Variants in CDH13 observed in about 807,000 individuals in gnomAD.
The protein encoded by CDH13 is cadherin-13.
Under a neutral mutation model 63.8 loss-of-function variants are expected in CDH13, and 24 were observed. That is an observed-to-expected ratio of 0.38 (90% CI 0.27 to 0.53). The LOEUF (loss-of-function observed/expected upper bound fraction) is 0.53, where lower values mean the gene tolerates loss of function less well. CDH13 is among the 20% of genes least tolerant of loss of function. The probability of loss-of-function intolerance (pLI) is 0.85; values close to 1 mark genes in which losing one functional copy is unlikely to be tolerated. For synonymous variants in CDH13, 503 were observed against 355.3 expected (o/e 1.42, Z -4.67); for missense variants, 1,049 against 903.1 (o/e 1.16, Z -2.07).
chr16:83,484,084 A>G (rs1246322816), intron 6 of CDH13, among the ~76,000 whole-genome samples: 1 of 152,216 alleles, frequency 6.6e-6, no homozygotes, highest in Non-Finnish European at 1.5e-5. Flanking sequence ...AAAATAGCTG[A>G]GACTGCCTAA....
chr16:83,041,031 C>G (rs1313633555), intron 3 of CDH13, among the ~76,000 whole-genome samples: 1 of 152,174 alleles, frequency 6.6e-6, no homozygotes, highest in East Asian at 1.9e-4. Context: ...ACTGACTAAA[C>G]TTCCTAGAGA....
At chr16:83,503,404 C>G (rs543377888) in intron 7 of CDH13, among the ~76,000 whole-genome samples, 8 of 152,300 alleles carry the variant, frequency 5.3e-5, no homozygotes, top group African/African-American at 7.2e-5. Flanking sequence ...CACGCCACAT[C>G]TACCTGGGTG....
intron 1 of CDH13, among the ~76,000 whole-genome samples, chr16:82,764,779 C>G (rs942827268): frequency 6.6e-6 from 1 of 151,288 alleles, no homozygotes; most frequent in East Asian, 1.9e-4. Flanking sequence ...GAACCACACT[C>G]ACAGAGTCCC....
At chr16:83,682,422 C>T (rs1915483400) in intron 10 of CDH13, among the ~76,000 whole-genome samples, 1 of 152,096 alleles carries the variant, frequency 6.6e-6, no homozygotes, top group Admixed American at 6.5e-5. Context: ...AATCTCCACC[C>T]AGGGCTGTGT....
At chr16:83,445,478 C>A (rs760031735) in intron 6 of CDH13, among the ~76,000 whole-genome samples, 1 of 152,088 alleles carries the variant, frequency 6.6e-6, no homozygotes, top group Non-Finnish European at 1.5e-5. Flanking sequence ...TAAGGAGGAG[C>A]TTTATCACCT....
In CDH13 at chr16:83,605,085, G is replaced by A. The variant is rs544525359; in HGVS notation, c.1101+2491G>A. 2.6e-5 allele frequency among the ~76,000 whole-genome samples: 4 copies of A among 152,210 alleles called. No individual in the cohort carries two copies. In the East Asian group the frequency reaches 7.7e-4, roughly 29 times the overall value. On this transcript the variant is annotated intron_variant, in intron 8 of 13. Transcript: ENST00000567109. ...TCTTAAAAAATAAATTTTGAAAAAAGAGACACTGAGTAGCATAAGGAAAAT... is the reference window on the plus strand; with the variant it reads ...TCTTAAAAAATAAATTTTGAAAAAAAAGACACTGAGTAGCATAAGGAAAAT...
At chr16:83,056,996 C>G (rs1377470587) in intron 3 of CDH13, among the ~76,000 whole-genome samples, 1 of 152,102 alleles carries the variant, frequency 6.6e-6, no homozygotes, top group African/African-American at 2.4e-5. Context: ...GAGATGGAGT[C>G]TCACTCTGTC....
At chr16:83,272,474 T>A (rs2088854918) in intron 5 of CDH13, among the ~76,000 whole-genome samples, 1 of 152,238 alleles carries the variant, frequency 6.6e-6, no homozygotes. Context: ...ACGGGTATTT[T>A]CCCATGTTGT....
rs147438886 is a variant in CDH13, at chr16:82,720,060, C to A, written c.45+92923C>A. Reference sequence around the variant, plus strand: ...TTCTTAATAAAGACCCAAAACACTTCTAATATTAAACATTGAAATAAAGAT... The same window carrying A: ...TTCTTAATAAAGACCCAAAACACTTATAATATTAAACATTGAAATAAAGAT... On this transcript the variant is annotated intron_variant, in intron 1 of 13. Transcript: ENST00000567109. Among the ~76,000 whole-genome samples the A allele has an allele frequency of 1.6e-3, 237 of 152,166 alleles. 3 individuals carry two copies. The highest frequency in any genetic ancestry group is 5.5e-3 in the African/African-American group (229 of 41,506).
chr16:83,648,508 C>T (rs747370440), intron 8 of CDH13, among the ~76,000 whole-genome samples: 5 of 152,120 alleles, frequency 3.3e-5, no homozygotes, highest in Admixed American at 2.6e-4. Flanking sequence ...AAGTCCCAGG[C>T]TTAGTCTGAA....
intron 6 of CDH13, among the ~76,000 whole-genome samples, chr16:83,426,607 C>T (rs2071907230): frequency 6.6e-6 from 1 of 151,868 alleles, no homozygotes. Flanking sequence ...GAAGAGGGAT[C>T]CAACATGGAC....
intron 5 of CDH13, among the ~76,000 whole-genome samples, chr16:83,226,889 C>G (rs2151798469): frequency 6.6e-6 from 1 of 152,244 alleles, no homozygotes; most frequent in Admixed American, 6.5e-5. Context: ...CACCCATTAG[C>G]CATCTATATG....
At chr16:83,696,761 A>G (rs538671319) in intron 10 of CDH13, among the ~76,000 whole-genome samples, 115 of 152,286 alleles carry the variant, frequency 7.6e-4, no homozygotes, top group African/African-American at 2.7e-3. Context: ...AGCCACCACC[A>G]TCGTTCACCC....
intron 6 of CDH13, among the ~76,000 whole-genome samples, chr16:83,459,096 T>C (rs2073103598): frequency 6.6e-6 from 1 of 152,198 alleles, no homozygotes; most frequent in Non-Finnish European, 1.5e-5. Context: ...TACCAACTTT[T>C]TGTTTGTTTG....
chr16:82,748,533 T>TG (rs1567495059), intron 1 of CDH13, among the ~76,000 whole-genome samples: 2 of 151,940 alleles, frequency 1.3e-5, no homozygotes, highest in African/African-American at 2.4e-5. Context: ...TGGTGGTGGT[T>TG]GTGGTGGTTT....
chr16:82,948,218 C>G (rs1038688032), intron 2 of CDH13, among the ~76,000 whole-genome samples: 3 of 152,040 alleles, frequency 2.0e-5, no homozygotes, highest in Non-Finnish European at 4.4e-5. Flanking sequence ...ATTTACTCCC[C>G]CAAATCTGCT....
intron 3 of CDH13, among the ~76,000 whole-genome samples, chr16:83,083,965 G>T (rs902502426): frequency 6.6e-5 from 10 of 152,224 alleles, no homozygotes; most frequent in Non-Finnish European, 1.3e-4. Context: ...ACCAATTGCA[G>T]CTGTTTCGAG....
intron 1 of CDH13, among the ~76,000 whole-genome samples, chr16:82,716,201 C>T (rs1483542674): frequency 6.6e-6 from 1 of 152,166 alleles, no homozygotes; most frequent in Non-Finnish European, 1.5e-5. Flanking sequence ...CTCTTGGGTT[C>T]AGGCATGTCC....
rs184908178 is a variant in CDH13 at position 83,636,533 on chromosome 16, A to C, written c.1101+33939A>C. On this transcript the variant is annotated intron_variant, in intron 8 of 13. Coordinates refer to ENST00000567109, the MANE Select transcript of CDH13 (RefSeq NM_001257.5). ...CTCTCACTTCGGACTGAGAACCTGCAGTGTTTAGTTTTCTGCTTCTGTTCA... is the reference window on the plus strand; with the variant it reads ...CTCTCACTTCGGACTGAGAACCTGCCGTGTTTAGTTTTCTGCTTCTGTTCA... Among the ~76,000 whole-genome samples, 472 of 152,254 alleles carry C rather than the reference A, an allele frequency of 3.1e-3. 1 individual carries two copies. Among genetic ancestry groups the C allele is most frequent in the Non-Finnish European group, 4.7e-3 (319 of 68,022 alleles).
Sources: gnomAD v4.1 joint callset for allele counts (sites outside exome capture counted in the v4.1 genomes callset) on GRCh38, gnomAD v4.1.1 for gene constraint, MANE v1.5 for transcripts, NCBI Gene and HGNC (gene_info 2026-07-23, HGNC 2026-07-21) for gene names.